ROBO1: variants seen among roughly 807,000 people sequenced by gnomAD.
The protein encoded by ROBO1 is roundabout guidance receptor 1.
ROBO1 carries 149 observed loss-of-function variants against 195.9 expected under a neutral mutation model. The observed-to-expected ratio is 0.76, with a 90% CI of 0.67 to 0.87. ROBO1 has a LOEUF of 0.87. Among genes scored for constraint, ROBO1 ranks in the 40% least tolerant of loss-of-function variants. The pLI, the probability that ROBO1 is intolerant of heterozygous loss-of-function variation, is 0.00. For synonymous variants in ROBO1, 816 were observed against 733.2 expected, an observed-to-expected ratio of 1.11 and a Z score of -1.82; for missense variants, 1,933 against 2,068.3, an observed-to-expected ratio of 0.93 and a Z score of 1.27.
At chr3:78,801,296 A>G (rs112655072) in intron 4 of ROBO1, among the ~76,000 whole-genome samples, 132 of 152,316 alleles carry the variant, frequency 8.7e-4, no homozygotes, top group African/African-American at 2.8e-3. Flanking sequence ...GGCATATTCG[A>G]TTATGAAATA....
chr3:79,397,695 C>A (rs1165592552), intron 2 of ROBO1, among the ~76,000 whole-genome samples: 1 of 152,132 alleles, frequency 6.6e-6, no homozygotes, highest in African/African-American at 2.4e-5. Context: ...AGCAATGAAA[C>A]CCCCAAAACA....
chr3:78,664,930 C>T (rs979217737), intron 14 of ROBO1, among the ~76,000 whole-genome samples: 4 of 152,166 alleles, frequency 2.6e-5, no homozygotes, highest in Admixed American at 2.0e-4. Flanking sequence ...ATATGTGCCT[C>T]AATTTTACTT....
chr3:79,315,471 A>G (rs1272565922), intron 2 of ROBO1, among the ~76,000 whole-genome samples: 2 of 152,204 alleles, frequency 1.3e-5, no homozygotes, highest in Admixed American at 6.5e-5. Flanking sequence ...AACTCTGGAT[A>G]TCTTTTCAAG....
chr3:79,134,203 C>G (rs1032247399), intron 2 of ROBO1, among the ~76,000 whole-genome samples: 1 of 138,756 alleles, frequency 7.2e-6, no homozygotes, highest in African/African-American at 2.7e-5. Context: ...AAAAAACAAA[C>G]AACCCCATCA....
chr3:78,642,624 T>G (rs2107575203), intron 21 of ROBO1, among the ~76,000 whole-genome samples: 1 of 152,292 alleles, frequency 6.6e-6, no homozygotes, highest in Admixed American at 6.5e-5. Flanking sequence ...TATGCTGTGG[T>G]TTGGATTAAG....
At chr3:79,662,369 T>C (rs1257496826) in intron 1 of ROBO1, among the ~76,000 whole-genome samples, 7 of 152,114 alleles carry the variant, frequency 4.6e-5, no homozygotes, top group Non-Finnish European at 8.8e-5. Context: ...TATAAAAACC[T>C]GCTAATTAAG....
At position 78,597,774 on chromosome 3, in the gene ROBO1, A is replaced by ATAAAG. The variant is rs964202808; in HGVS notation, c.*1134_*1138dup. 2.0e-5 allele frequency: 3 copies of ATAAAG among 152,576 alleles called. No homozygotes were observed. Among genetic ancestry groups the ATAAAG allele is most frequent in the African/African-American group, 4.8e-5 (2 of 41,446 alleles). 9.5% of individuals were successfully genotyped at this position (152,576 alleles called of 1,614,324 possible). A position where few individuals can be genotyped will look rare whatever the true frequency, so the allele number is the denominator to read the frequency against. ...AGAACCATTTGGTTCATGGCCCACAATAAAGTATGCATGTTACTTCACCAT... is the reference window on the plus strand; with the variant it reads ...AGAACCATTTGGTTCATGGCCCACAATAAAGTAAAGTATGCATGTTACTTCACCAT... On this transcript the variant is annotated 3_prime_UTR_variant, in exon 31 of 31. Coordinates refer to ENST00000464233, the MANE Select transcript of ROBO1 (RefSeq NM_002941.4).
In ROBO1 at chr3:78,617,811, G is replaced by C. The variant is rs1704209908; in HGVS notation, c.4106C>G (p.Ser1369Cys). The change falls in exon 27 of 31, where the codon TCC (serine) becomes TGC (cysteine). Residue 1369 changes from serine (S) to cysteine (C), a missense_variant. This residue lies in a region of ROBO1 where 1,737 missense variants were observed against 1,882.5 expected (regional missense o/e 0.92). Transcript: ENST00000464233. ...GGCTGAGCCCCAGCCGTTGATCATGGACCCCGTGACAGAGCTCTCCAGGTC... is the reference window on the plus strand; with the variant it reads ...GGCTGAGCCCCAGCCGTTGATCATGCACCCCGTGACAGAGCTCTCCAGGTC... ...VGDLESSVTG[S>C]MINGWGSASE... 6.2e-7 allele frequency: 1 copy of C among 1,613,932 alleles called. No individual in the cohort carries two copies. Among genetic ancestry groups the C allele is most frequent in the Non-Finnish European group, 8.5e-7 (1 of 1,179,878 alleles).
At chr3:79,096,507 T>C (rs945259761) in intron 3 of ROBO1, among the ~76,000 whole-genome samples, 6 of 151,798 alleles carry the variant, frequency 4.0e-5, no homozygotes, top group African/African-American at 1.5e-4. Flanking sequence ...TAACTCAGCA[T>C]GTAACCTTAG....
At chr3:79,738,890 A>G (rs984832589) in intron 1 of ROBO1, among the ~76,000 whole-genome samples, 2 of 152,210 alleles carry the variant, frequency 1.3e-5, no homozygotes, top group Admixed American at 6.5e-5. Context: ...AGATAGGGGC[A>G]GTCCAATGTG....
intron 3 of ROBO1, among the ~76,000 whole-genome samples, chr3:78,961,946 T>TTG (rs1247264785): frequency 3.3e-5 from 5 of 152,064 alleles, no homozygotes; most frequent in South Asian, 2.1e-4. Context: ...TTTTTGTTTT[T>TTG]TTTTTTTACC....
intron 2 of ROBO1, among the ~76,000 whole-genome samples, chr3:79,332,238 G>A (rs1421459351): frequency 6.6e-6 from 1 of 151,044 alleles, no homozygotes; most frequent in Non-Finnish European, 1.5e-5. Context: ...ACTAACAAGT[G>A]CTAACATATT....
chr3:79,175,884 G>T (rs753520737), intron 2 of ROBO1, among the ~76,000 whole-genome samples: 34 of 152,144 alleles, frequency 2.2e-4, no homozygotes, highest in Non-Finnish European at 3.2e-4. Context: ...CATGTTGTAT[G>T]AATTGTATAA....
chr3:78,758,446 C>A (rs962424231), intron 4 of ROBO1, among the ~76,000 whole-genome samples: 65 of 149,054 alleles, frequency 4.4e-4, no homozygotes, highest in Admixed American at 9.4e-4. Context: ...ATTGCTTGAG[C>A]CCAGAGGTCA....
At chr3:78,612,499 T>C (rs1703877471) in intron 28 of ROBO1, among the ~76,000 whole-genome samples, 1 of 152,312 alleles carries the variant, frequency 6.6e-6, no homozygotes, top group South Asian at 2.1e-4. Flanking sequence ...ATGGCTTTTG[T>C]CTCTACGTCA....
intron 1 of ROBO1, among the ~76,000 whole-genome samples, chr3:79,720,454 T>C (rs991457495): frequency 2.0e-5 from 3 of 152,170 alleles, no homozygotes; most frequent in African/African-American, 7.2e-5. Flanking sequence ...TGGCACCTCA[T>C]GAGAGAGACC....
chr3:79,675,076 T>C (rs1946745989), intron 1 of ROBO1, among the ~76,000 whole-genome samples: 1 of 151,926 alleles, frequency 6.6e-6, no homozygotes, highest in South Asian at 2.1e-4. Flanking sequence ...TCTGTTGATA[T>C]CATTACAACT....
intron 3 of ROBO1, among the ~76,000 whole-genome samples, chr3:79,091,724 T>A (rs1426470988): frequency 6.6e-6 from 1 of 152,032 alleles, no homozygotes; most frequent in Non-Finnish European, 1.5e-5. Context: ...CTGGCAAACT[T>A]GAGGGAACAA....
chr3:79,302,397 T>C (rs1218409593), intron 2 of ROBO1, among the ~76,000 whole-genome samples: 1 of 152,230 alleles, frequency 6.6e-6, no homozygotes, highest in Admixed American at 6.5e-5. Flanking sequence ...TGGTCCATGA[T>C]GATTTTAGGG....
Sources: allele counts gnomAD v4.1 joint callset (sites outside exome capture counted in the v4.1 genomes callset), GRCh38; gene constraint gnomAD v4.1.1; regional missense constraint gnomAD v4.1.1; transcripts MANE v1.5; gene names NCBI Gene and HGNC (gene_info 2026-07-23, HGNC 2026-07-21).